TNIK: variants seen among roughly 807,000 people sequenced by gnomAD.
TNIK encodes the protein TRAF2 and NCK-interacting protein kinase.
TNIK carries 49 observed loss-of-function variants against 191.3 expected under a neutral mutation model. That is an observed-to-expected ratio of 0.26 (90% confidence interval 0.20 to 0.32). The LOEUF is 0.32. Ranked by LOEUF, TNIK falls within the 10% of genes least tolerant of loss-of-function variation. The pLI is 1.00. For missense variants in TNIK, 1,155 were observed against 1,702.3 expected (o/e 0.68, Z 5.66); for synonymous variants, 594 against 600.9 (o/e 0.99, Z 0.17).
intron 23 of TNIK, among the ~76,000 whole-genome samples, chr3:171,091,810 C>G (rs1308478411): frequency 6.6e-6 from 1 of 151,858 alleles, no homozygotes; most frequent in African/African-American, 2.4e-5. Context: ...CTGGAGAACC[C>G]CAACTAATAC....
intron 1 of TNIK, among the ~76,000 whole-genome samples, chr3:171,402,304 A>G (rs1721047062): frequency 6.6e-6 from 1 of 152,232 alleles, no homozygotes; most frequent in African/African-American, 2.4e-5. Context: ...GATTTGTGGA[A>G]GTTGGCAAAG....
chr3:171,446,828 C>T (rs995714438), intron 1 of TNIK, among the ~76,000 whole-genome samples: 1 of 152,152 alleles, frequency 6.6e-6, no homozygotes, highest in African/African-American at 2.4e-5. Flanking sequence ...AAAACTGAAA[C>T]CTTTGAGCCT....
intron 2 of TNIK, among the ~76,000 whole-genome samples, chr3:171,271,844 A>T (rs2109194151): frequency 6.6e-6 from 1 of 152,344 alleles, no homozygotes; most frequent in Admixed American, 6.5e-5. Context: ...TTACAAAAAA[A>T]ATTAGATTTA....
At chr3:171,295,477 A>C (rs945085185) in intron 2 of TNIK, among the ~76,000 whole-genome samples, 2 of 152,146 alleles carry the variant, frequency 1.3e-5, no homozygotes, top group Non-Finnish European at 2.9e-5. Flanking sequence ...TGCCCACTGC[A>C]GCTCCAAGCT....
At chr3:171,391,580 C>T (rs1435398842) in intron 1 of TNIK, among the ~76,000 whole-genome samples, 2 of 152,102 alleles carry the variant, frequency 1.3e-5, no homozygotes, top group East Asian at 1.9e-4. Context: ...AAATAAGTAC[C>T]CCTAGAAGTC....
intron 1 of TNIK, among the ~76,000 whole-genome samples, chr3:171,440,628 C>T (rs192187025): frequency 3.3e-5 from 5 of 152,308 alleles, no homozygotes; most frequent in South Asian, 2.1e-4. Context: ...CTGTAAGTCA[C>T]GAGCAGGCAT....
chr3:171,364,121 T>C (rs1012873659), intron 2 of TNIK, among the ~76,000 whole-genome samples: 1 of 152,206 alleles, frequency 6.6e-6, no homozygotes, highest in East Asian at 1.9e-4. Flanking sequence ...TTTATACTTA[T>C]TAAATGTTCA....
chr3:171,141,697 CT>C (rs1730863624), intron 12 of TNIK, among the ~76,000 whole-genome samples: 3 of 152,218 alleles, frequency 2.0e-5, no homozygotes, highest in African/African-American at 7.2e-5. Context: ...ATTACCAAGT[CT>C]TTTCCCATAC....
intron 1 of TNIK, among the ~76,000 whole-genome samples, chr3:171,423,255 C>T (rs62281639): frequency 6.6e-6 from 1 of 150,720 alleles, no homozygotes; most frequent in Admixed American, 6.6e-5. Context: ...GAATAAAATA[C>T]CTAGGAATCC....
In TNIK at chr3:171,232,088, G is replaced by A. The variant is rs111262508; in HGVS notation, c.124-3867C>T. ...CAACGAAGGGGATGTTATTGCAATA[G>A]AATTTTGAAGGGAAAATGTAACAGT... On this transcript the variant is annotated intron_variant, in intron 2 of 32. Transcript: ENST00000436636. Among the ~76,000 whole-genome samples the A allele has an allele frequency of 5.2e-3, 786 of 152,190 alleles. 6 individuals are homozygous for A. Among genetic ancestry groups the A allele is most frequent in the Admixed American group, 0.012 (190 of 15,292 alleles).
At chr3:171,176,490 G>A (rs1735972398) in intron 8 of TNIK, among the ~76,000 whole-genome samples, 1 of 152,218 alleles carries the variant, frequency 6.6e-6, no homozygotes, top group Non-Finnish European at 1.5e-5. Flanking sequence ...AGTATGGGAA[G>A]TCATCAGATT....
At chr3:171,163,904 A>T (rs1734300054) in intron 10 of TNIK, among the ~76,000 whole-genome samples, 1 of 152,256 alleles carries the variant, frequency 6.6e-6, no homozygotes, top group South Asian at 2.1e-4. Flanking sequence ...GTTGAAAAAA[A>T]TCACAAATAA....
At chr3:171,292,321 G>A (rs1430843242) in intron 2 of TNIK, among the ~76,000 whole-genome samples, 1 of 152,178 alleles carries the variant, frequency 6.6e-6, no homozygotes, top group Non-Finnish European at 1.5e-5. Context: ...TTGTTGTGGA[G>A]ACTCTGGATT....
intron 9 of TNIK, among the ~76,000 whole-genome samples, chr3:171,171,624 A>G (rs546114250): frequency 9.9e-5 from 15 of 152,262 alleles, no homozygotes; most frequent in African/African-American, 3.6e-4. Flanking sequence ...TGAAAGATTC[A>G]CTGTCTTATA....
intron 3 of TNIK, among the ~76,000 whole-genome samples, chr3:171,217,502 C>T (rs1043514774): frequency 2.6e-5 from 4 of 151,900 alleles, no homozygotes; most frequent in African/African-American, 9.7e-5. Flanking sequence ...CACAACATAC[C>T]CAAGCATCAA....
chr3:171,063,816 CA>C lies in TNIK; in HGVS notation c.*64del. ...TTCTGCCTCTAGACTGGCATAAGTC[CA>C]CATGAGTTATGTTCTTTTAAATTAG... On this transcript the variant is annotated 3_prime_UTR_variant, in exon 33 of 33. Transcript: ENST00000436636. 6.5e-7 allele frequency: 1 copy of C among 1,539,342 alleles called. No individual in the cohort carries two copies. The highest frequency in any genetic ancestry group is 8.9e-7 in the Non-Finnish European group (1 of 1,123,504).
intron 12 of TNIK, among the ~76,000 whole-genome samples, chr3:171,143,836 C>G (rs1731177667): frequency 6.6e-6 from 1 of 152,210 alleles, no homozygotes. Flanking sequence ...TGATGCCCTT[C>G]TTAAGTAGCT....
chr3:171,158,430 C>T (rs1733516835), intron 11 of TNIK, among the ~76,000 whole-genome samples: 1 of 152,172 alleles, frequency 6.6e-6, no homozygotes, highest in Non-Finnish European at 1.5e-5. Context: ...ATAAGTTCTA[C>T]CTACTTCGCT....
At chr3:171,357,065 A>C (rs1714189226) in intron 2 of TNIK, among the ~76,000 whole-genome samples, 1 of 152,196 alleles carries the variant, frequency 6.6e-6, no homozygotes, top group African/African-American at 2.4e-5. Flanking sequence ...AGAATCATAA[A>C]GCCAGTTTTA....
Sources: gnomAD v4.1 joint callset for allele counts (sites outside exome capture counted in the v4.1 genomes callset) on GRCh38, gnomAD v4.1.1 for gene constraint, MANE v1.5 for transcripts, NCBI Gene and HGNC (gene_info 2026-07-23, HGNC 2026-07-21) for gene names.